Variants in ASPRV1 observed in about 807,000 individuals in gnomAD.
ASPRV1 encodes aspartic peptidase retroviral like 1.
In ASPRV1, 7 loss-of-function variants were observed where a neutral mutation model predicts 11.0. The ratio of observed to expected loss-of-function variants is 0.64; its 90% CI spans 0.36 to 1.20. The LOEUF (loss-of-function observed/expected upper bound fraction) is 1.20, where lower values mean the gene tolerates loss of function less well. Ranked by LOEUF, ASPRV1 falls within the 50% of genes most tolerant of loss-of-function variation. The pLI, the probability that ASPRV1 is intolerant of heterozygous loss-of-function variation, is 0.02. For missense variants in ASPRV1, 299 were observed against 320.0 expected (o/e 0.93, Z 0.50); for synonymous variants, 136 against 138.4 (o/e 0.98, Z 0.12).
At chr2:70,025,209 T>C in the ASPRV1 span, among the ~76,000 whole-genome samples, 9 of 152,172 alleles carry the variant, frequency 5.9e-5, no homozygotes, top group Non-Finnish European at 1.0e-4. Flanking sequence ...TGTGTGTGTG[T>C]TGGGGATTAG....
the ASPRV1 span, among the ~76,000 whole-genome samples, chr2:70,059,286 AT>A: frequency 0.038 from 5,237 of 136,572 alleles, 337 homozygotes; most frequent in African/African-American, 0.13. Context: ...GGTAAATTGA[AT>A]TTTTTTTTTA....
At chr2:70,067,682 A>G in the ASPRV1 span, among the ~76,000 whole-genome samples, 1 of 152,200 alleles carries the variant, frequency 6.6e-6, no homozygotes, top group Non-Finnish European at 1.5e-5. Context: ...AATAAAACAA[A>G]AAATAATACT....
the ASPRV1 span, among the ~76,000 whole-genome samples, chr2:69,986,040 G>C: frequency 6.6e-6 from 1 of 152,212 alleles, no homozygotes; most frequent in Non-Finnish European, 1.5e-5. Flanking sequence ...TGTCGGGACA[G>C]GGGGAATACC....
the ASPRV1 span, among the ~76,000 whole-genome samples, chr2:70,077,026 T>A: frequency 6.6e-6 from 1 of 152,220 alleles, no homozygotes; most frequent in Admixed American, 6.5e-5. Context: ...CACAGTCAGT[T>A]ACCGGCAAAA....
chr2:69,959,096 C>A (rs1424667622), downstream of ASPRV1, among the ~76,000 whole-genome samples: 2 of 152,158 alleles, frequency 1.3e-5, no homozygotes, highest in African/African-American at 2.4e-5. Flanking sequence ...TGGCTCAGAT[C>A]AGCTTCAAAA....
chr2:70,055,452 A>G, the ASPRV1 span, among the ~76,000 whole-genome samples: 6 of 152,256 alleles, frequency 3.9e-5, no homozygotes. Flanking sequence ...CTATGCAGCC[A>G]TAAAAAGCAA....
At chr2:69,966,311 C>T (rs1678337524), upstream of ASPRV1, among the ~76,000 whole-genome samples, 1 of 152,268 alleles carries the variant, frequency 6.6e-6, no homozygotes, top group African/African-American at 2.4e-5. Flanking sequence ...AGGGCCCAGC[C>T]CTCCGAATTG....
chr2:69,958,174 G>A (rs963083399), downstream of ASPRV1, among the ~76,000 whole-genome samples: 9 of 152,188 alleles, frequency 5.9e-5, no homozygotes, highest in Non-Finnish European at 1.0e-4. Flanking sequence ...GTTCCACGTT[G>A]ACGCATCTGC....
downstream of ASPRV1, among the ~76,000 whole-genome samples, chr2:69,959,407 T>C (rs1678009217): frequency 6.6e-6 from 1 of 152,108 alleles, no homozygotes; most frequent in Admixed American, 6.5e-5. Context: ...GCTCCTCCCT[T>C]TGAGTTTCAG....
chr2:69,944,071 A>C, the ASPRV1 span, among the ~76,000 whole-genome samples: 41 of 152,136 alleles, frequency 2.7e-4, no homozygotes, highest in Non-Finnish European at 2.1e-4. Flanking sequence ...CCCTTTTAGG[A>C]TGTGAGATTC....
the ASPRV1 span, among the ~76,000 whole-genome samples, chr2:70,078,573 G>C: frequency 6.6e-6 from 1 of 152,214 alleles, no homozygotes; most frequent in South Asian, 2.1e-4. Context: ...CTGGAAAAAT[G>C]ATGTTCCTGG....
the ASPRV1 span, chr2:70,018,086 G>A: frequency 6.6e-6 from 1 of 151,864 alleles, no homozygotes; most frequent in African/African-American, 2.4e-5. Flanking sequence ...GTTGCAGTGA[G>A]TCGAGATCAC....
chr2:69,992,312 C>G, the ASPRV1 span, among the ~76,000 whole-genome samples: 2 of 152,316 alleles, frequency 1.3e-5, no homozygotes, highest in South Asian at 4.1e-4. Context: ...AATAAGGAAG[C>G]AAACAAACAA....
chr2:69,978,151 G>A, the ASPRV1 span, among the ~76,000 whole-genome samples: 1 of 152,194 alleles, frequency 6.6e-6, no homozygotes. Context: ...GGCAGTCTTG[G>A]GGCTTAAGGC....
chr2:69,972,339 A>C, the ASPRV1 span, among the ~76,000 whole-genome samples: 1 of 137,760 alleles, frequency 7.3e-6, no homozygotes, highest in Non-Finnish European at 1.5e-5. Flanking sequence ...GGGATTACAG[A>C]TGTGAGCCAC....
the ASPRV1 span, chr2:69,968,623 G>A: frequency 9.2e-5 from 14 of 152,264 alleles, no homozygotes; most frequent in East Asian, 9.6e-4. Flanking sequence ...GTTTATTTGA[G>A]TTTCTCACCA....
chr2:70,035,999 T>C, the ASPRV1 span, among the ~76,000 whole-genome samples: 1 of 151,602 alleles, frequency 6.6e-6, no homozygotes, highest in Non-Finnish European at 1.5e-5. Flanking sequence ...AATAAAGAAA[T>C]GAGAAATGAA....
the ASPRV1 span, among the ~76,000 whole-genome samples, chr2:70,084,758 G>C: frequency 6.6e-6 from 1 of 152,128 alleles, no homozygotes; most frequent in Non-Finnish European, 1.5e-5. Context: ...TTGTTTCTTA[G>C]TGGTTTTTTT....
the ASPRV1 span, among the ~76,000 whole-genome samples, chr2:70,062,035 C>T: frequency 2.0e-4 from 30 of 151,522 alleles, no homozygotes; most frequent in Middle Eastern, 3.2e-3. Flanking sequence ...CACCTGTAAT[C>T]CCAGCACTGT....
Sources: gnomAD v4.1 joint callset for allele counts (sites outside exome capture counted in the v4.1 genomes callset) on GRCh38, gnomAD v4.1.1 for gene constraint, MANE v1.5 for transcripts, NCBI Gene and HGNC (gene_info 2026-07-23, HGNC 2026-07-21) for gene names.